Variants in GRIK2 observed in about 807,000 individuals in gnomAD.
The protein encoded by GRIK2 is glutamate receptor ionotropic, kainate 2.
Under a neutral mutation model 100.3 loss-of-function variants are expected in GRIK2, and 32 were observed. The ratio of observed to expected loss-of-function variants is 0.32; its 90% CI spans 0.24 to 0.43. The LOEUF is 0.43. Ranked by LOEUF, GRIK2 falls within the 20% of genes least tolerant of loss-of-function variation. The pLI is 1.00. For synonymous variants in GRIK2, 417 were observed against 389.4 expected (o/e 1.07, Z -0.83); for missense variants, 843 against 1,114.9 (o/e 0.76, Z 3.47).
intron 16 of GRIK2, among the ~76,000 whole-genome samples, chr6:102,056,631 A>AAAAT (rs958361017): frequency 1.2e-4 from 18 of 152,100 alleles, no homozygotes; most frequent in Non-Finnish European, 1.8e-4. Flanking sequence ...AGGTATTTTG[A>AAAAT]AAATAATGCC....
chr6:101,980,772 T>TAA (rs1793665467), intron 14 of GRIK2, among the ~76,000 whole-genome samples: 1 of 151,818 alleles, frequency 6.6e-6, no homozygotes, highest in Admixed American at 6.6e-5. Flanking sequence ...TGGAGTCATT[T>TAA]AAAAGATTTG....
intron 2 of GRIK2, among the ~76,000 whole-genome samples, chr6:101,591,621 T>C (rs1178474380): frequency 6.6e-6 from 1 of 152,016 alleles, no homozygotes; most frequent in African/African-American, 2.4e-5. Context: ...AATAGTCCCA[T>C]ATTAAAATAG....
At chr6:101,989,565 G>T (rs1366733737) in intron 14 of GRIK2, among the ~76,000 whole-genome samples, 1 of 151,524 alleles carries the variant, frequency 6.6e-6, no homozygotes, top group Admixed American at 6.6e-5. Context: ...TAGTTAATTA[G>T]CTTGGGATTA....
intron 4 of GRIK2, among the ~76,000 whole-genome samples, chr6:101,654,419 A>G (rs1781960217): frequency 6.6e-6 from 1 of 152,164 alleles, no homozygotes; most frequent in Non-Finnish European, 1.5e-5. Flanking sequence ...GTCTGCTTCT[A>G]TACTTCCAGC....
At chr6:101,674,133 T>C (rs1232708653) in intron 4 of GRIK2, among the ~76,000 whole-genome samples, 1 of 152,226 alleles carries the variant, frequency 6.6e-6, no homozygotes, top group South Asian at 2.1e-4. Flanking sequence ...CTATCCTGTA[T>C]GACTGCTATG....
chr6:101,475,252 A>G (rs761463043), intron 2 of GRIK2, among the ~76,000 whole-genome samples: 44 of 151,942 alleles, frequency 2.9e-4, no homozygotes, highest in Non-Finnish European at 5.9e-4. Flanking sequence ...ACTGAATTCT[A>G]TCATCCTCTT....
chr6:102,011,228 G>A (rs2399583), intron 14 of GRIK2, among the ~76,000 whole-genome samples: 40,953 of 152,026 alleles, frequency 0.27, 5,924 homozygotes, highest in East Asian at 0.34. Flanking sequence ...TGTTCTGGAT[G>A]TTAGCCATTT....
chr6:101,704,377 T>C (rs1773110649), intron 7 of GRIK2, among the ~76,000 whole-genome samples: 1 of 151,574 alleles, frequency 6.6e-6, no homozygotes, highest in South Asian at 2.1e-4. Flanking sequence ...TGGAATAGGG[T>C]CATTTGAGTC....
chr6:101,752,687 G>A (rs1397681135), intron 7 of GRIK2, among the ~76,000 whole-genome samples: 26 of 152,014 alleles, frequency 1.7e-4, no homozygotes, highest in Non-Finnish European at 7.4e-5. Flanking sequence ...ATATTATGTA[G>A]TCATTTGCGT....
At chr6:101,684,964 G>C (rs1176402149) in intron 6 of GRIK2, among the ~76,000 whole-genome samples, 1 of 152,006 alleles carries the variant, frequency 6.6e-6, no homozygotes, top group East Asian at 1.9e-4. Flanking sequence ...GAGAAAGGTG[G>C]GATAAGGTCA....
At chr6:101,827,663 G>T (rs1389058956) in intron 10 of GRIK2, among the ~76,000 whole-genome samples, 1 of 151,694 alleles carries the variant, frequency 6.6e-6, no homozygotes, top group Non-Finnish European at 1.5e-5. Context: ...AGACTTCAAA[G>T]CAACAATAGT....
intron 2 of GRIK2, among the ~76,000 whole-genome samples, chr6:101,474,920 T>G (rs1772150340): frequency 6.6e-6 from 1 of 151,954 alleles, no homozygotes; most frequent in Non-Finnish European, 1.5e-5. Context: ...AATGTAAATC[T>G]TTACATCAGT....
chr6:101,644,869 G>T (rs577363144), intron 4 of GRIK2, among the ~76,000 whole-genome samples: 21 of 151,918 alleles, frequency 1.4e-4, no homozygotes, highest in African/African-American at 3.9e-4. Context: ...AGTGAAATGT[G>T]AGCAAAGTAC....
At chr6:101,960,053 G>GTTTTTTT (rs781532291) in intron 14 of GRIK2, among the ~76,000 whole-genome samples, 3 of 131,030 alleles carry the variant, frequency 2.3e-5, no homozygotes, top group Non-Finnish European at 3.2e-5. Flanking sequence ...TTAGTGTTTT[G>GTTTTTTT]TTTTTTTTTT....
intron 2 of GRIK2, among the ~76,000 whole-genome samples, chr6:101,500,009 T>C (rs1306253343): frequency 6.6e-6 from 1 of 152,180 alleles, no homozygotes; most frequent in African/African-American, 2.4e-5. Flanking sequence ...ATAACATTTA[T>C]ATAATGTGTA....
Position 101,564,158 on chromosome 6 carries a change from G to A in GRIK2, c.116-57791G>A, listed in dbSNP as rs750226365. Among the ~76,000 whole-genome samples, 196 of 152,226 alleles carry A rather than the reference G, an allele frequency of 1.3e-3. 1 individual carries two copies. Among genetic ancestry groups the A allele is most frequent in the Non-Finnish European group, 2.0e-3 (136 of 68,014 alleles). On this transcript the variant is annotated intron_variant, in intron 2 of 16. Transcript: ENST00000369134. ...GTCACGTTTAAGCTGGTTTTAAGAG[G>A]TTTCTAGTGTTCTGCTTCATGTGTG...
chr6:101,703,560 G>T (rs1490520659), intron 7 of GRIK2, among the ~76,000 whole-genome samples: 1 of 151,784 alleles, frequency 6.6e-6, no homozygotes, highest in Non-Finnish European at 1.5e-5. Context: ...GGAATGTGAG[G>T]TGAGAGAGAA....
intron 12 of GRIK2, among the ~76,000 whole-genome samples, chr6:101,905,461 T>C (rs959938451): frequency 6.6e-6 from 1 of 151,620 alleles, no homozygotes; most frequent in African/African-American, 2.4e-5. Context: ...TTTCTCAAAT[T>C]TGACCAAGTG....
intron 4 of GRIK2, among the ~76,000 whole-genome samples, chr6:101,654,103 A>G (rs1416135352): frequency 2.0e-5 from 3 of 152,112 alleles, no homozygotes; most frequent in South Asian, 2.1e-4. Flanking sequence ...CTGCCTAATA[A>G]ATATTTGCTG....
Sources: gnomAD v4.1 joint callset for allele counts (sites outside exome capture counted in the v4.1 genomes callset) on GRCh38, gnomAD v4.1.1 for gene constraint, MANE v1.5 for transcripts, NCBI Gene and HGNC (gene_info 2026-07-23, HGNC 2026-07-21) for gene names.